KIF4B: variants seen among roughly 807,000 people sequenced by gnomAD.
KIF4B encodes the protein chromosome-associated kinesin KIF4B.
KIF4B carries 60 observed loss-of-function variants against 69.0 expected under a neutral mutation model. The ratio of observed to expected loss-of-function variants is 0.87; its 90% CI spans 0.71 to 1.08. The LOEUF (loss-of-function observed/expected upper bound fraction) is 1.08. Among genes scored for constraint, KIF4B ranks in the 50% least tolerant of loss-of-function variants. The pLI, the probability that KIF4B is intolerant of heterozygous loss-of-function variation, is 0.00. For missense variants in KIF4B, 1,357 were observed against 1,451.9 expected (o/e 0.93, Z 1.06); for synonymous variants, 489 against 533.0 (o/e 0.92, Z 1.14).
rs868202509 is a variant in KIF4B, at chr5:155,015,888, G to A, written c.2029G>A (p.Glu677Lys). 1 of 1,614,098 alleles carries A rather than the reference G, an allele frequency of 6.2e-7. No individual in the cohort carries two copies. Among genetic ancestry groups the A allele is most frequent in the African/African-American group, 1.3e-5 (1 of 74,938 alleles). The change falls in exon 1 of 1, where the codon GAA (glutamate) becomes AAA (lysine). Residue 677 changes from glutamate to lysine, a missense_variant. Physicochemically the swap from Glu to Lys is moderately conservative, Grantham distance 56 (BLOSUM62 1). Coordinates refer to ENST00000435029, the MANE Select transcript of KIF4B (RefSeq NM_001099293.3). Reference protein sequence around the residue: ...KKDKEVIQLKERDRKRQYELL... With the variant: ...KKDKEVIQLKKRDRKRQYELL... ...AGACAAAGAAGTAATACAGTTGAAA[G>A]AACGAGACCGTAAGAGGCAATATGA...
At position 155,015,805 on chromosome 5, in the gene KIF4B, A is replaced by G. The variant is rs1365899502; in HGVS notation, c.1946A>G (p.Gln649Arg). The stretch of plus-strand genomic sequence containing the variant: ...TGGATGATGAAAAACCAGCGGGTAC[A>G]GTTAATGCGTCAAATGAAAGAGGAT... ...EIWMMKNQRV[Q>R]LMRQMKEDAE... Residue 649 changes from glutamine to arginine, a missense_variant, in exon 1 of 1, where the codon CAG becomes CGG. Gln to Arg is a conservative substitution (Grantham distance 43). Transcript: ENST00000435029. 1 of 1,614,136 alleles carries G rather than the reference A, an allele frequency of 6.2e-7. No homozygotes were observed. Among genetic ancestry groups the G allele is most frequent in the Non-Finnish European group, 8.5e-7 (1 of 1,180,056 alleles).
At position 155,016,223 on chromosome 5, in the gene KIF4B, G is replaced by A. The variant is rs1582713561; in HGVS notation, c.2364G>A (p.Arg788=). 2 of 1,614,082 alleles carry A rather than the reference G, an allele frequency of 1.2e-6. No individual in the cohort carries two copies. Among genetic ancestry groups the A allele is most frequent in the Non-Finnish European group, 1.7e-6 (2 of 1,180,006 alleles). ...VVQLKEKKES[R]ENPPPKLRKC... is the part of the protein sequence containing the mutation. ...AACTCAAAGAAAAAAAGGAATCTCGGGAGAATCCACCTCCTAAACTCCGGA... is the reference window on the plus strand; with the variant it reads ...AACTCAAAGAAAAAAAGGAATCTCGAGAGAATCCACCTCCTAAACTCCGGA... The change falls in exon 1 of 1, where the codon CGG becomes CGA. Residue 788 remains arginine (R), a synonymous_variant. Coordinates refer to ENST00000435029, the MANE Select transcript of KIF4B (RefSeq NM_001099293.3).
At position 155,015,795 on chromosome 5, in the gene KIF4B, C is replaced by T; in HGVS notation, c.1936C>T (p.Gln646Ter). The T allele has an allele frequency of 6.2e-7, 1 of 1,614,134 alleles. No individual in the cohort carries two copies. Among genetic ancestry groups the T allele is most frequent in the Non-Finnish European group, 8.5e-7 (1 of 1,180,030 alleles). Reference protein sequence around the residue: ...LNQEIWMMKNQRVQLMRQMKE... With the variant: ...LNQEIWMMKN Reference sequence around the variant, plus strand: ...CCAAGAGATATGGATGATGAAAAACCAGCGGGTACAGTTAATGCGTCAAAT... The same window carrying T: ...CCAAGAGATATGGATGATGAAAAACTAGCGGGTACAGTTAATGCGTCAAAT... The change falls in exon 1 of 1, where the codon CAG becomes TAG. Residue 646 changes from glutamine (Q) to a stop codon, truncating the protein, a stop_gained. Transcript: ENST00000435029. LOFTEE classifies it high-confidence loss of function.
chr5:155,013,825 G>A lies in KIF4B; in HGVS notation c.-35G>A. 1 of 1,608,926 alleles carries A rather than the reference G, an allele frequency of 6.2e-7. No homozygotes were observed. Among genetic ancestry groups the A allele is most frequent in the Non-Finnish European group, 8.5e-7 (1 of 1,177,190 alleles). ...GGGAGACCCCGGGTGAACGGGGAAG[G>A]GACATTTAGTTTGAGACGGTGCTGA... On this transcript the variant is annotated 5_prime_UTR_variant, in exon 1 of 1. Transcript: ENST00000435029.
chr5:155,016,298 A>C lies in KIF4B; in HGVS notation c.2439A>C (p.Glu813Asp). ...TGCATGGTCAAGTTTTGGAGTCAGAAGATTGTATTACAAAACAGATTGAAA... is the reference window on the plus strand; with the variant it reads ...TGCATGGTCAAGTTTTGGAGTCAGACGATTGTATTACAAAACAGATTGAAA... The part of the protein sequence containing the change: ...SEVHGQVLES[E>D]DCITKQIESL... Residue 813 changes from glutamate to aspartate, a missense_variant, in exon 1 of 1, where the codon GAA becomes GAC. Coordinates refer to ENST00000435029, the MANE Select transcript of KIF4B (RefSeq NM_001099293.3). 6.2e-7 allele frequency: 1 copy of C among 1,614,202 alleles called. No individual in the cohort carries two copies. Among genetic ancestry groups the C allele is most frequent in the Non-Finnish European group, 8.5e-7 (1 of 1,180,022 alleles).
At position 155,014,308 on chromosome 5, in the gene KIF4B, A is replaced by G; in HGVS notation, c.449A>G (p.Asp150Gly). Residue 150 changes from aspartate (D) to glycine (G), a missense_variant, in exon 1 of 1, where the codon GAT (aspartate) becomes GGT (glycine). Coordinates refer to ENST00000435029, the MANE Select transcript of KIF4B (RefSeq NM_001099293.3). Reference sequence around the variant, plus strand: ...GAGATTTACAATGAAGAAATTTTGGATCTTCTATGCCCATCTCGTGAGAAA... The same window carrying G: ...GAGATTTACAATGAAGAAATTTTGGGTCTTCTATGCCCATCTCGTGAGAAA... Reference protein sequence around the residue: ...YLEIYNEEILDLLCPSREKAQ... With the variant: ...YLEIYNEEILGLLCPSREKAQ... The G allele has an allele frequency of 6.2e-7, 1 of 1,614,224 alleles. No homozygotes were observed. The highest frequency in any genetic ancestry group is 8.5e-7 in the Non-Finnish European group (1 of 1,180,046).
rs1765316947 is a variant in KIF4B at position 155,015,781 on chromosome 5, G to A, written c.1922G>A (p.Trp641Ter). ...RTVSKLNQEI[W>*]MMKNQRVQLM... ...GTCTCCAAGCTGAACCAAGAGATAT[G>A]GATGATGAAAAACCAGCGGGTACAG... The change falls in exon 1 of 1, where the codon TGG (tryptophan) becomes TAG (stop). Residue 641 changes from tryptophan to a stop codon, truncating the protein, a stop_gained. Transcript: ENST00000435029. LOFTEE classifies it high-confidence loss of function. 15 of 1,614,134 alleles carry A rather than the reference G, an allele frequency of 9.3e-6. No homozygotes were observed. The highest frequency in any genetic ancestry group is 1.3e-5 in the Non-Finnish European group (15 of 1,180,028).
Position 155,016,596 on chromosome 5 carries a change from G to A in KIF4B, c.2737G>A (p.Glu913Lys). 6.2e-7 allele frequency: 1 copy of A among 1,614,210 alleles called. No homozygotes were observed. Among genetic ancestry groups the A allele is most frequent in the Non-Finnish European group, 8.5e-7 (1 of 1,180,036 alleles). The change falls in exon 1 of 1, where the codon GAG (glutamate) becomes AAG (lysine). Residue 913 changes from glutamate (E) to lysine (K), a missense_variant. Physicochemically the swap from Glu to Lys is moderately conservative, Grantham distance 56 (BLOSUM62 1). Transcript: ENST00000435029. ...GGAACAAAATCATTTTTCTGAGATA[G>A]AGACAGAGTTACAAGCTGAGCTGGT... The part of the protein sequence containing the change: ...FEEQNHFSEI[E>K]TELQAELVRM...
Position 155,013,958 on chromosome 5 carries a change from CTTCG to C in KIF4B, c.101_104del (p.Phe34CysfsTer35). On this transcript the variant is annotated frameshift_variant, in exon 1 of 1. Transcript: ENST00000435029. LOFTEE classifies it high-confidence loss of function. ...GCGAGGGCTGCCAGATGTGCCTTTC[CTTCG>C]TGCCCGGGGAGACTCAGGTGGTGGT... is the stretch of plus-strand genomic sequence containing the variant. 1.2e-6 allele frequency: 2 copies of C among 1,614,250 alleles called. No homozygotes were observed. Among genetic ancestry groups the C allele is most frequent in the Non-Finnish European group, 1.7e-6 (2 of 1,180,046 alleles).
chr5:155,015,470 G>A lies in KIF4B; in HGVS notation c.1611G>A (p.Glu537=), dbSNP rs753296178. The A allele has an allele frequency of 6.2e-7, 1 of 1,614,020 alleles. No individual in the cohort carries two copies. The highest frequency in any genetic ancestry group is 8.5e-7 in the Non-Finnish European group (1 of 1,180,054). ...VELNNALALK[E]ALVRKMTQND... ...TGAATAACGCCCTTGCACTGAAAGA[G>A]GCCCTAGTTAGGAAGATGACTCAGA... is the stretch of plus-strand genomic sequence containing the variant. The change falls in exon 1 of 1, where the codon GAG becomes GAA. Residue 537 remains glutamate, a synonymous_variant. Transcript: ENST00000435029.
chr5:155,014,246 G>C lies in KIF4B; in HGVS notation c.387G>C (p.Lys129Asn). The C allele has an allele frequency of 6.2e-7, 1 of 1,614,182 alleles. No individual in the cohort carries two copies. Among genetic ancestry groups the C allele is most frequent in the Non-Finnish European group, 8.5e-7 (1 of 1,180,026 alleles). Residue 129 changes from lysine (K) to asparagine (N), a missense_variant, in exon 1 of 1, where the codon AAG becomes AAC. Lys to Asn is a moderately conservative substitution (Grantham distance 94, BLOSUM62 0). Transcript: ENST00000435029. ...IQLLFKEIDKKSDFEFTLKVS... is the reference protein window; with the variant it reads ...IQLLFKEIDKNSDFEFTLKVS... Reference sequence around the variant, plus strand: ...TGCTCTTCAAAGAAATTGATAAAAAGAGTGACTTTGAATTTACTCTGAAAG... The same window carrying C: ...TGCTCTTCAAAGAAATTGATAAAAACAGTGACTTTGAATTTACTCTGAAAG...
Position 155,015,329 on chromosome 5 carries a change from T to C in KIF4B, c.1470T>C (p.Thr490=), listed in dbSNP as rs761624707. The change falls in exon 1 of 1, where the codon ACT becomes ACC. Residue 490 remains threonine (T), a synonymous_variant. Coordinates refer to ENST00000435029, the MANE Select transcript of KIF4B (RefSeq NM_001099293.3). ...CTTGCACGGCTGCAGCCATTGATAC[T>C]GCGGTAGAAGAAGAAGCTCAAGTGG... ...TVACTAAAID[T]AVEEEAQVET... 1.2e-6 allele frequency: 2 copies of C among 1,614,076 alleles called. No individual in the cohort carries two copies. The highest frequency in any genetic ancestry group is 1.7e-6 in the Non-Finnish European group (2 of 1,180,028).
At position 155,017,528 on chromosome 5, in the gene KIF4B, C is replaced by T. The variant is rs1255889001; in HGVS notation, c.3669C>T (p.Phe1223=). Residue 1223 remains phenylalanine (F), a synonymous_variant, in exon 1 of 1, where the codon TTC becomes TTT. Coordinates refer to ENST00000435029, the MANE Select transcript of KIF4B (RefSeq NM_001099293.3). ...CTCTGGCTAGCAACACCAGCTTCTTCTCTGGCTGCTCCCCTATCGAAGAAG... is the reference window on the plus strand; with the variant it reads ...CTCTGGCTAGCAACACCAGCTTCTTTTCTGGCTGCTCCCCTATCGAAGAAG... ...KRALASNTSF[F]SGCSPIEEEA... 3 of 1,613,490 alleles carry T rather than the reference C, an allele frequency of 1.9e-6. No individual in the cohort carries two copies. Among genetic ancestry groups the T allele is most frequent in the Non-Finnish European group, 1.7e-6 (2 of 1,179,876 alleles).
rs1765290844 is a variant in KIF4B at position 155,014,559 on chromosome 5, T to C, written c.700T>C (p.Ser234Pro). 1 of 1,614,100 alleles carries C rather than the reference T, an allele frequency of 6.2e-7. No individual in the cohort carries two copies. The highest frequency in any genetic ancestry group is 8.5e-7 in the Non-Finnish European group (1 of 1,179,992). Residue 234 changes from serine (S) to proline (P), a missense_variant, in exon 1 of 1, where the codon TCC becomes CCC. Ser to Pro is a moderately conservative substitution (Grantham distance 74). Coordinates refer to ENST00000435029, the MANE Select transcript of KIF4B (RefSeq NM_001099293.3). ...AAGTGACAAGAATTGCAGCTTTCGC[T>C]CCAAGCTGCATCTTGTAGATCTCGC... ...KKSDKNCSFR[S>P]KLHLVDLAGS...
chr5:155,014,634 G>C lies in KIF4B; in HGVS notation c.775G>C (p.Glu259Gln). 1 of 1,614,198 alleles carries C rather than the reference G, an allele frequency of 6.2e-7. No homozygotes were observed. The highest frequency in any genetic ancestry group is 8.5e-7 in the Non-Finnish European group (1 of 1,180,040). Reference protein sequence around the residue: ...KTKAEGDRLKEGININRGLLC... With the variant: ...KTKAEGDRLKQGININRGLLC... ...CAAGGCTGAAGGGGATCGTCTAAAA[G>C]AGGGTATTAATATTAACCGAGGCCT... Residue 259 changes from glutamate to glutamine, a missense_variant, in exon 1 of 1, where the codon GAG becomes CAG. Physicochemically the swap from Glu to Gln is conservative, Grantham distance 29 (BLOSUM62 2). Coordinates refer to ENST00000435029, the MANE Select transcript of KIF4B (RefSeq NM_001099293.3).
chr5:155,017,381 C>T lies in KIF4B; in HGVS notation c.3522C>T (p.Asp1174=). 1.9e-6 allele frequency: 3 copies of T among 1,614,188 alleles called. No individual in the cohort carries two copies. Among genetic ancestry groups the T allele is most frequent in the Non-Finnish European group, 2.5e-6 (3 of 1,180,038 alleles). Reference sequence around the variant, plus strand: ...GCAAGATCCTGAAAGAGATGTGTGACATGGAGCAGGTGCTGTCAAAGAAGA... The same window carrying T: ...GCAAGATCCTGAAAGAGATGTGTGATATGGAGCAGGTGCTGTCAAAGAAGA... ...PNSKILKEMC[D]MEQVLSKKTA... is the part of the protein sequence containing the mutation. The change falls in exon 1 of 1, where the codon GAC becomes GAT. Residue 1174 remains aspartate (D), a synonymous_variant. Coordinates refer to ENST00000435029, the MANE Select transcript of KIF4B (RefSeq NM_001099293.3).
chr5:155,014,309 T>A lies in KIF4B; in HGVS notation c.450T>A (p.Asp150Glu), dbSNP rs748729788. The change falls in exon 1 of 1, where the codon GAT (aspartate) becomes GAA (glutamate). Residue 150 changes from aspartate (D) to glutamate (E), a missense_variant. Asp to Glu is a conservative substitution (Grantham distance 45). Transcript: ENST00000435029. ...YLEIYNEEIL[D>E]LLCPSREKAQ... ...AGATTTACAATGAAGAAATTTTGGA[T>A]CTTCTATGCCCATCTCGTGAGAAAG... is the stretch of plus-strand genomic sequence containing the variant. 1 of 1,614,106 alleles carries A rather than the reference T, an allele frequency of 6.2e-7. No individual in the cohort carries two copies. The highest frequency in any genetic ancestry group is 8.5e-7 in the Non-Finnish European group (1 of 1,180,058).
Position 155,015,694 on chromosome 5 carries a change from TGAA to T in KIF4B, c.1842_1844del (p.Lys615del). The T allele has an allele frequency of 6.2e-7, 1 of 1,614,162 alleles. No individual in the cohort carries two copies. The highest frequency in any genetic ancestry group is 2.2e-5 in the East Asian group (1 of 44,884). On this transcript the variant is annotated inframe_deletion, in exon 1 of 1. Transcript: ENST00000435029. ...GAGCTGGAGGGTCAAATAGCTGATC[TGAA>T]GAAGAAACTGAATGAGCAGTCCAAA...
In KIF4B at chr5:155,016,111, T is replaced by C; in HGVS notation, c.2252T>C (p.Ile751Thr). The part of the protein sequence containing the change: ...ARVRNWLGNE[I>T]EVMVSTEEAK... Reference sequence around the variant, plus strand: ...GTGAGGAATTGGCTTGGAAATGAAATTGAGGTTATGGTCAGTACTGAGGAA... The same window carrying C: ...GTGAGGAATTGGCTTGGAAATGAAACTGAGGTTATGGTCAGTACTGAGGAA... Residue 751 changes from isoleucine (I) to threonine (T), a missense_variant, in exon 1 of 1, where the codon ATT (isoleucine) becomes ACT (threonine). Transcript: ENST00000435029. The C allele has an allele frequency of 6.2e-7, 1 of 1,614,062 alleles. No individual in the cohort carries two copies.
Sources: allele counts gnomAD v4.1 joint callset, GRCh38; gene constraint gnomAD v4.1.1; transcripts MANE v1.5; gene names NCBI Gene and HGNC (gene_info 2026-07-23, HGNC 2026-07-21).